UMODL1: variants seen among roughly 807,000 people sequenced by gnomAD.
UMODL1 encodes the protein uromodulin like 1, also known as uromodulin-like 1.
In UMODL1, 128 loss-of-function variants were observed where a neutral mutation model predicts 136.3. That is an observed-to-expected ratio of 0.94 (90% CI 0.81 to 1.09). The LOEUF (loss-of-function observed/expected upper bound fraction) is 1.09, where lower values mean the gene tolerates loss of function less well. Among genes scored for constraint, UMODL1 ranks in the 50% least tolerant of loss-of-function variants. The probability of loss-of-function intolerance (pLI) is 0.00; values close to 1 mark genes in which losing one functional copy is unlikely to be tolerated. For missense variants in UMODL1, 1,766 were observed against 1,725.6 expected (o/e 1.02, Z -0.41); for synonymous variants, 721 against 720.0 (o/e 1.00, Z -0.02).
chr21:42,112,129 C>A (rs1737869338), intron 12 of UMODL1, among the ~76,000 whole-genome samples: 1 of 151,910 alleles, frequency 6.6e-6, no homozygotes, highest in Non-Finnish European at 1.5e-5. Context: ...TCTGCACCCT[C>A]CCAGTAATGC....
At chr21:42,076,384 G>T in intron 2 of UMODL1, 137 bp downstream of exon 2, 5 of 1,382,340 alleles carry the variant, frequency 3.6e-6, no homozygotes, top group Non-Finnish European at 4.9e-6. Flanking sequence ...TGACCAGGCA[G>T]CAGGTCATCG....
chr21:42,135,379 T>A (rs1005735798), intron 21 of UMODL1, among the ~76,000 whole-genome samples: 1 of 152,326 alleles, frequency 6.6e-6, no homozygotes, highest in East Asian at 1.9e-4. Context: ...GTGGACCCCC[T>A]GTGGCCAGCC....
intron 21 of UMODL1, 74 bp from the exon 22 acceptor site, chr21:42,137,365 C>G (rs1042484963): frequency 1.9e-6 from 3 of 1,561,946 alleles, no homozygotes; most frequent in Non-Finnish European, 2.6e-6. Context: ...GCCCCGGATC[C>G]GGGTGGAGGG....
chr21:42,091,101 T>G (rs1040863818), intron 6 of UMODL1, among the ~76,000 whole-genome samples: 2 of 152,224 alleles, frequency 1.3e-5, no homozygotes, highest in African/African-American at 4.8e-5. Context: ...CCATTATTGA[T>G]CTCCTAGTGG....
chr21:42,118,824 C>A (rs2066931218), intron 14 of UMODL1, among the ~76,000 whole-genome samples: 1 of 152,160 alleles, frequency 6.6e-6, no homozygotes, highest in South Asian at 2.1e-4. Flanking sequence ...AGGGTCTCTG[C>A]CTGTGCCCCC....
intron 21 of UMODL1, among the ~76,000 whole-genome samples, chr21:42,130,826 T>C (rs2123379172): frequency 6.6e-6 from 1 of 151,060 alleles, no homozygotes; most frequent in African/African-American, 2.5e-5. Context: ...TTTTTTTTTT[T>C]TGAGACGGAG....
At chr21:42,118,613 G>C (rs973568957) in intron 14 of UMODL1, among the ~76,000 whole-genome samples, 2 of 152,168 alleles carry the variant, frequency 1.3e-5, no homozygotes, top group Non-Finnish European at 2.9e-5. Flanking sequence ...AAGCAGTCTG[G>C]GGAGAGGTAG....
chr21:42,125,381 G>A (rs1052734987), intron 17 of UMODL1, among the ~76,000 whole-genome samples: 4 of 152,132 alleles, frequency 2.6e-5, no homozygotes, highest in East Asian at 1.9e-4. Flanking sequence ...ACGTGGACGC[G>A]TCGGAGGCCA....
At position 42,123,064 on chromosome 21, in the gene UMODL1, C is replaced by G; in HGVS notation, c.3061C>G (p.His1021Asp). ...CCCCGAGTCCTCGTTGTACCTCAGC[C>G]ACCCCTCCTGCAACGTGAGCCACAG... ...SIPESSLYLS[H>D]PSCNVSHSNG... Residue 1021 changes from histidine to aspartate, a missense_variant, in exon 17 of 23, where the codon CAC (histidine) becomes GAC (aspartate). Physicochemically the swap from His to Asp is moderately conservative, Grantham distance 81 (BLOSUM62 -1). Transcript: ENST00000408910. This position sits in a 1 kb window ranked among gnomAD's most constrained non-coding sequence, Gnocchi z 4.4. The G allele has an allele frequency of 6.2e-7, 1 of 1,614,132 alleles. No individual in the cohort carries two copies. Among genetic ancestry groups the G allele is most frequent in the Non-Finnish European group, 8.5e-7 (1 of 1,180,034 alleles).
At chr21:42,116,082 C>G in intron 14 of UMODL1, 97 bp downstream of exon 14, 2 of 977,444 alleles carry the variant, frequency 2.0e-6, no homozygotes, top group Non-Finnish European at 3.1e-6. Context: ...CCCCTGTAAT[C>G]CTAGCACTTT....
At chr21:42,128,477 T>G (rs35339889) in intron 20 of UMODL1, among the ~76,000 whole-genome samples, 10,378 of 152,184 alleles carry the variant, frequency 0.068, 604 homozygotes, top group East Asian at 0.23. Flanking sequence ...TCCTCGGAGG[T>G]AGTGCTTGTT....
At chr21:42,116,188 A>AAAAAG (rs1221378875) in intron 14 of UMODL1, among the ~76,000 whole-genome samples, 1 of 149,824 alleles carries the variant, frequency 6.7e-6, no homozygotes, top group African/African-American at 2.4e-5. Flanking sequence ...AAAAAAAAAA[A>AAAAAG]AAAAAAATAC....
chr21:42,127,331 T>C (rs960339562), intron 19 of UMODL1, 89 bp downstream of exon 19: 5 of 1,222,442 alleles, frequency 4.1e-6, no homozygotes, highest in Non-Finnish European at 6.0e-6. Context: ...GACATCCCCA[T>C]CCAGCAATGC....
intron 6 of UMODL1, chr21:42,093,834 G>T (rs1349615609): frequency 6.6e-6 from 3 of 453,690 alleles, no homozygotes; most frequent in African/African-American, 2.0e-5. Flanking sequence ...GCCCAGCTCT[G>T]CCAGCAAAAC....
intron 4 of UMODL1, 147 bp from the exon 5 acceptor site, chr21:42,088,147 A>G: frequency 1.3e-6 from 1 of 745,630 alleles, no homozygotes; most frequent in Non-Finnish European, 2.1e-6. Context: ...ATAGTGATGG[A>G]TAGATAAGTA....
intron 1 of UMODL1, among the ~76,000 whole-genome samples, chr21:42,073,481 C>T (rs760095087): frequency 7.9e-5 from 12 of 152,148 alleles, no homozygotes; most frequent in Non-Finnish European, 1.0e-4. Flanking sequence ...CTGCTGGGCC[C>T]GCAGGGTGAT....
upstream of UMODL1, among the ~76,000 whole-genome samples, chr21:42,068,760 G>A (rs7349017): frequency 0.12 from 17,793 of 152,224 alleles, 1,785 homozygotes; most frequent in African/African-American, 0.27. The surrounding 1 kb of genome is among the most constrained non-coding windows in gnomAD (Gnocchi z 5.5). Context: ...AAGTGTGAAC[G>A]TGTGTCAGTA....
intron 6 of UMODL1, among the ~76,000 whole-genome samples, chr21:42,097,575 C>A (rs914684402): frequency 1.3e-5 from 2 of 152,142 alleles, no homozygotes; most frequent in South Asian, 2.1e-4. Context: ...AAGCAGAATT[C>A]TTTTCATGAT....
chr21:42,116,538 T>G (rs868510437), intron 14 of UMODL1, among the ~76,000 whole-genome samples: 23 of 152,160 alleles, frequency 1.5e-4, no homozygotes, highest in Middle Eastern at 6.9e-3. Flanking sequence ...TGCTGCATCC[T>G]TACTTCACAC....
Sources: gnomAD v4.1 joint callset for allele counts (sites outside exome capture counted in the v4.1 genomes callset) on GRCh38, gnomAD v4.1.1 for gene constraint, Gnocchi (gnomAD v3.1) non-coding constraint, MANE v1.5 for transcripts, NCBI Gene and HGNC (gene_info 2026-07-23, HGNC 2026-07-21) for gene names.